SPRING1: variants seen among roughly 807,000 people sequenced by gnomAD.
The protein encoded by SPRING1 is SREBF pathway regulator in golgi 1.
SPRING1 carries 14 observed loss-of-function variants against 24.7 expected under a neutral mutation model. The ratio of observed to expected loss-of-function variants is 0.57; its 90% CI spans 0.37 to 0.88. SPRING1 has a LOEUF of 0.88. Among genes scored for constraint, SPRING1 ranks in the 40% least tolerant of loss-of-function variants. SPRING1 has a pLI of 0.00. For missense variants in SPRING1, 255 were observed against 268.4 expected (o/e 0.95, Z 0.35); for synonymous variants, 93 against 106.1 (o/e 0.88, Z 0.76).
At chr12:116,736,654 A>T (rs558716998) in intron 1 of SPRING1, among the ~76,000 whole-genome samples, 4 of 152,254 alleles carry the variant, frequency 2.6e-5, no homozygotes, top group African/African-American at 9.6e-5. Flanking sequence ...AGCATAACCC[A>T]TTATCCTGGG....
chr12:116,732,354 T>C (rs2468375), intron 1 of SPRING1, among the ~76,000 whole-genome samples: 75,582 of 151,964 alleles, frequency 0.5, 19,626 homozygotes, highest in East Asian at 0.62. Context: ...GGCGGGTGGA[T>C]TGTTTAAGCT....
At chr12:116,725,619 C>T (rs1021624057) in intron 1 of SPRING1, among the ~76,000 whole-genome samples, 6 of 152,184 alleles carry the variant, frequency 3.9e-5, no homozygotes, top group African/African-American at 1.4e-4. Flanking sequence ...GGCGCCATGG[C>T]TCACACCTGT....
chr12:116,725,226 G>C (rs1870624105), intron 1 of SPRING1, among the ~76,000 whole-genome samples: 2 of 152,188 alleles, frequency 1.3e-5, no homozygotes, highest in Non-Finnish European at 2.9e-5. Context: ...ATTGAGCACT[G>C]TTCTAAGTAG....
At position 116,737,851 on chromosome 12, in the gene SPRING1, C is replaced by G; in HGVS notation, c.50G>C (p.Trp17Ser). ...MVWRRLLRKR[W>S]VLALVFGLSL... The stretch of plus-strand genomic sequence containing the variant: ...CAGCCCGAAGACCAGGGCGAGCACC[C>G]ACCTCTTCCGCAGAAGCCGGCGCCA... Residue 17 changes from tryptophan to serine, a missense_variant, in exon 1 of 5, where the codon TGG becomes TCG. Coordinates refer to ENST00000261318, the MANE Select transcript of SPRING1 (RefSeq NM_024738.4). The G allele has an allele frequency of 6.3e-7, 1 of 1,586,100 alleles. No homozygotes were observed. The highest frequency in any genetic ancestry group is 8.6e-7 in the Non-Finnish European group (1 of 1,167,108).
chr12:116,738,009 C>T lies in SPRING1; in HGVS notation c.-109G>A. ...GCAGCCCCATCCCTCCAGGCAGGCG[C>T]CGGCCCCGCCGCCCGCAGCCCAGTC... On this transcript the variant is annotated 5_prime_UTR_variant, in exon 1 of 5. Coordinates refer to ENST00000261318, the MANE Select transcript of SPRING1 (RefSeq NM_024738.4). The T allele has an allele frequency of 8.9e-7, 1 of 1,123,042 alleles. No individual in the cohort carries two copies. Among genetic ancestry groups the T allele is most frequent in the Non-Finnish European group, 1.1e-6 (1 of 916,310 alleles). 69.6% of individuals were successfully genotyped at this position (1,123,042 alleles called of 1,614,324 possible).
chr12:116,717,578 G>A lies in SPRING1; in HGVS notation c.*232C>T, dbSNP rs555307043. 13 of 406,926 alleles carry A rather than the reference G, an allele frequency of 3.2e-5. No individual in the cohort carries two copies. The highest frequency in any genetic ancestry group is 2.9e-4 in the East Asian group (7 of 24,198). The allele number at this position is 406,926 out of a possible 1,614,324, so 25.2% of individuals were successfully genotyped here. ...CCCGGCCTCCGGTTTCATCTTTCCC[G>A]AATGGGACTGGCTGGAGGGGCCAAG... On this transcript the variant is annotated 3_prime_UTR_variant, in exon 5 of 5. Coordinates refer to ENST00000261318, the MANE Select transcript of SPRING1 (RefSeq NM_024738.4). The surrounding 1 kb of genome is among the most constrained non-coding windows in gnomAD (Gnocchi z 4.2).
rs2137047157 is a variant in SPRING1 at position 116,734,321 on chromosome 12, ATAGGC to A, written c.111+3464_111+3468del. Among the ~76,000 whole-genome samples, 3 of 152,344 alleles carry A rather than the reference ATAGGC, an allele frequency of 2.0e-5. 1 individual carries two copies. In the South Asian group the frequency reaches 6.2e-4, roughly 32 times the overall value. ...TGTACAGGCTTAGAGCCTAGGAGGA[ATAGGC>A]TATGCCACATAGCCCAGGGGTGTAG... On this transcript the variant is annotated intron_variant, in intron 1 of 4. Coordinates refer to ENST00000261318, the MANE Select transcript of SPRING1 (RefSeq NM_024738.4).
Position 116,728,879 on chromosome 12 carries a change from C to T in SPRING1, c.112-5656G>A, listed in dbSNP as rs141466898. ...GCCTCTGCCAGAGCACCCAGGACAG[C>T]GGGGCTCAAAAGCCTTTGGTCCTGG... On this transcript the variant is annotated intron_variant, in intron 1 of 4. Coordinates refer to ENST00000261318, the MANE Select transcript of SPRING1 (RefSeq NM_024738.4). The surrounding 1 kb of genome is among the most constrained non-coding windows in gnomAD (Gnocchi z 4.2). Among the ~76,000 whole-genome samples the T allele has an allele frequency of 1.1e-3, 173 of 152,322 alleles. No individual in the cohort carries two copies. The highest frequency in any genetic ancestry group is 3.9e-3 in the African/African-American group (163 of 41,580).
chr12:116,717,673 G>A lies in SPRING1; in HGVS notation c.*137C>T. The A allele has an allele frequency of 1.4e-6, 1 of 707,236 alleles. No homozygotes were observed. Among genetic ancestry groups the A allele is most frequent in the Admixed American group, 2.9e-5 (1 of 34,486 alleles). The allele number at this position is 707,236 out of a possible 1,614,324, so 43.8% of individuals were successfully genotyped here. ...GAAGCCAAAGATGACAACACGAGAA[G>A]GGGTCAAAGCCAAGGTTTCCTCACG... On this transcript the variant is annotated 3_prime_UTR_variant, in exon 5 of 5. Transcript: ENST00000261318. The surrounding 1 kb of genome is among the most constrained non-coding windows in gnomAD (Gnocchi z 4.2).
Position 116,720,483 on chromosome 12 carries a change from C to G in SPRING1, c.269-36G>C. ...GAGACCAACCTTAGCATAAAACCAG[C>G]AGCCTTGCCACCTCCCTACCAGGGA... On this transcript the variant is annotated intron_variant, in intron 2 of 4. Coordinates refer to ENST00000261318, the MANE Select transcript of SPRING1 (RefSeq NM_024738.4). The surrounding 1 kb of genome is among the most constrained non-coding windows in gnomAD (Gnocchi z 4.0). The G allele has an allele frequency of 6.2e-7, 1 of 1,607,988 alleles. No homozygotes were observed. Among genetic ancestry groups the G allele is most frequent in the Non-Finnish European group, 8.5e-7 (1 of 1,177,064 alleles).
At position 116,710,556 on chromosome 12, in the gene SPRING1, C is replaced by T. The variant is rs575817214; in HGVS notation, c.*7254G>A. ...TGCCAAAAGGCAGCTATTTTTATGA[C>T]AGAAAACACAGCAGCTGTTTTCACA... On this transcript the variant is annotated 3_prime_UTR_variant, in exon 5 of 5. Transcript: ENST00000261318. 1.3e-5 allele frequency: 2 copies of T among 152,342 alleles called. No homozygotes were observed. The highest frequency in any genetic ancestry group is 3.4e-3 in the Middle Eastern group (1 of 296). 9.4% of individuals were successfully genotyped at this position (152,342 alleles called of 1,614,324 possible). A position where few individuals can be genotyped will look rare whatever the true frequency, so the allele number is the denominator to read the frequency against.
chr12:116,734,498 A>C (rs1871137625), intron 1 of SPRING1, among the ~76,000 whole-genome samples: 1 of 152,232 alleles, frequency 6.6e-6, no homozygotes, highest in South Asian at 2.1e-4. Flanking sequence ...GTGAAAGGTT[A>C]GCAGAAGTAT....
Position 116,716,908 on chromosome 12 carries a change from C to T in SPRING1, c.*902G>A, listed in dbSNP as rs1310456689. 1 of 152,186 alleles carries T rather than the reference C, an allele frequency of 6.6e-6. No homozygotes were observed. The highest frequency in any genetic ancestry group is 6.5e-5 in the Admixed American group (1 of 15,272). 9.4% of individuals were successfully genotyped at this position (152,186 alleles called of 1,614,324 possible). A position where few individuals can be genotyped will look rare whatever the true frequency, so the allele number is the denominator to read the frequency against. On this transcript the variant is annotated 3_prime_UTR_variant, in exon 5 of 5. Transcript: ENST00000261318. ...TTGATAGAACAGGGGAGGAGGTTGC[C>T]TCTGACCTTCCTGAGGCTCCCACTG... is the stretch of plus-strand genomic sequence containing the variant.
At chr12:116,737,249 C>G (rs750608919) in intron 1 of SPRING1, among the ~76,000 whole-genome samples, 1 of 152,190 alleles carries the variant, frequency 6.6e-6, no homozygotes, top group Non-Finnish European at 1.5e-5. Context: ...CACCTCTCCC[C>G]ACCCTCGGAC....
chr12:116,719,916 A>C lies in SPRING1; in HGVS notation c.421-40T>G, dbSNP rs1455729085. Reference sequence around the variant, plus strand: ...GTTAGTGCCTGTAATAAATTACCTAAGCCAGCACAAGGTGACCTTGGCTAT... The same window carrying C: ...GTTAGTGCCTGTAATAAATTACCTACGCCAGCACAAGGTGACCTTGGCTAT... On this transcript the variant is annotated intron_variant, in intron 3 of 4. Transcript: ENST00000261318. 2.6e-6 allele frequency: 4 copies of C among 1,541,296 alleles called. No individual in the cohort carries two copies. In the Admixed American group the frequency reaches 5.0e-5, roughly 19 times the overall value.
chr12:116,714,006 A>C lies in SPRING1; in HGVS notation c.*3804T>G, dbSNP rs993985974. 1.3e-5 allele frequency: 2 copies of C among 149,530 alleles called. No individual in the cohort carries two copies. The highest frequency in any genetic ancestry group is 2.1e-4 in the South Asian group (1 of 4,722). 9.3% of individuals were successfully genotyped at this position (149,530 alleles called of 1,614,324 possible). On this transcript the variant is annotated 3_prime_UTR_variant, in exon 5 of 5. Transcript: ENST00000261318. The stretch of plus-strand genomic sequence containing the variant: ...CCCTTCCAACCTCAGGAGCCCACCC[A>C]CCCCTATCCGAGCCGACCCCTGACT...
At chr12:116,731,415 A>G (rs1870970080) in intron 1 of SPRING1, among the ~76,000 whole-genome samples, 1 of 152,162 alleles carries the variant, frequency 6.6e-6, no homozygotes, top group South Asian at 2.1e-4. Flanking sequence ...TGGGGTCCAC[A>G]GACCACATTT....
rs555966691 is a variant in SPRING1, at chr12:116,737,563, A to C, written c.111+227T>G. Among the ~76,000 whole-genome samples the C allele has an allele frequency of 1.2e-3, 144 of 122,866 alleles. 1 individual carries two copies. The highest frequency in any genetic ancestry group is 4.5e-3 in the African/African-American group (141 of 31,666). 80.6% of individuals were successfully genotyped at this position (122,866 alleles called of 152,430 possible). On this transcript the variant is annotated intron_variant, in intron 1 of 4. Coordinates refer to ENST00000261318, the MANE Select transcript of SPRING1 (RefSeq NM_024738.4). ...GGTGAGGAAGGTAAGGAAGGAAGGG[A>C]GGCAGGGAGAGGGGAAGGAAGGAGG... is the stretch of plus-strand genomic sequence containing the variant.
At position 116,728,736 on chromosome 12, in the gene SPRING1, A is replaced by G. The variant is rs1055532057; in HGVS notation, c.112-5513T>C. 2.0e-5 allele frequency among the ~76,000 whole-genome samples: 3 copies of G among 152,112 alleles called. No homozygotes were observed. Among genetic ancestry groups the G allele is most frequent in the African/African-American group, 7.2e-5 (3 of 41,420 alleles). ...CTGGACCCGTACACTCCATCTCACC[A>G]TCTCCATTTTACAGAGGAAGAACCC... On this transcript the variant is annotated intron_variant, in intron 1 of 4. Coordinates refer to ENST00000261318, the MANE Select transcript of SPRING1 (RefSeq NM_024738.4). This position sits in a 1 kb window ranked among gnomAD's most constrained non-coding sequence, Gnocchi z 4.2.
Sources: gnomAD v4.1 joint callset for allele counts (sites outside exome capture counted in the v4.1 genomes callset) on GRCh38, gnomAD v4.1.1 for gene constraint, Gnocchi (gnomAD v3.1) non-coding constraint, MANE v1.5 for transcripts, NCBI Gene and HGNC (gene_info 2026-07-23, HGNC 2026-07-21) for gene names.